Variants in PCDHA4 observed in about 807,000 individuals in gnomAD.
PCDHA4 encodes the protein protocadherin alpha 4, also known as protocadherin alpha-4.
In PCDHA4, 49 loss-of-function variants were observed where a neutral mutation model predicts 61.4. The observed-to-expected ratio is 0.80, with a 90% CI of 0.63 to 1.01. The LOEUF is 1.01. PCDHA4 is among the 50% of genes least tolerant of loss of function. The probability of loss-of-function intolerance (pLI) is 0.00; values close to 1 mark genes in which losing one functional copy is unlikely to be tolerated. For missense variants in PCDHA4, 1,254 were observed against 1,235.8 expected, an observed-to-expected ratio of 1.01 and a Z score of -0.22; for synonymous variants, 590 against 550.3, an observed-to-expected ratio of 1.07 and a Z score of -1.01.
intron 1 of PCDHA4, among the ~76,000 whole-genome samples, chr5:140,960,972 T>C (rs936519951): frequency 6.6e-6 from 1 of 152,188 alleles, no homozygotes; most frequent in South Asian, 2.1e-4. Flanking sequence ...GCAGTTGCAA[T>C]TCTTGTTCCA....
intron 1 of PCDHA4, among the ~76,000 whole-genome samples, chr5:140,901,220 TC>T (rs1383510008): frequency 6.6e-6 from 1 of 152,200 alleles, no homozygotes; most frequent in Non-Finnish European, 1.5e-5. Context: ...GTTGATGTGA[TC>T]CCATATATCC....
chr5:141,007,107 A>G (rs1162403610), intron 3 of PCDHA4, among the ~76,000 whole-genome samples: 1 of 152,190 alleles, frequency 6.6e-6, no homozygotes, highest in Non-Finnish European at 1.5e-5. Context: ...GCCAAACCCA[A>G]GGAAGCTTCA....
chr5:140,870,853 G>C (rs1554164757), intron 1 of PCDHA4: 2 of 1,613,888 alleles, frequency 1.2e-6, no homozygotes, highest in South Asian at 2.2e-5. Context: ...ACCGCGGTCG[G>C]TGGGTGCGGG....
chr5:140,883,552 G>A, intron 1 of PCDHA4: 2 of 1,614,234 alleles, frequency 1.2e-6, no homozygotes, highest in South Asian at 1.1e-5. Flanking sequence ...TGACCGCGCG[G>A]GACGGGGGCT....
At chr5:140,838,694 G>A (rs765335937) in intron 1 of PCDHA4, among the ~76,000 whole-genome samples, 2 of 151,960 alleles carry the variant, frequency 1.3e-5, no homozygotes, top group African/African-American at 4.8e-5. Context: ...CCAACATTTC[G>A]GGAGGCCGAG....
rs1164377412 is a variant in PCDHA4 at position 140,857,264 on chromosome 5, T to C, written c.2385+47692T>C. The stretch of plus-strand genomic sequence containing the variant: ...GTCCACCTACAAGAATTACTACTCA[T>C]TGGTGCTGGACAGCGCTCTGGACCG... On this transcript the variant is annotated intron_variant, in intron 1 of 3. Transcript: ENST00000530339. 5.0e-6 allele frequency: 8 copies of C among 1,598,636 alleles called. 1 individual carries two copies. The highest frequency in any genetic ancestry group is 2.2e-5 in the East Asian group (1 of 44,850).
intron 1 of PCDHA4, chr5:140,856,941 C>G: frequency 6.3e-7 from 1 of 1,592,588 alleles, no homozygotes; most frequent in Non-Finnish European, 8.6e-7. Context: ...AACGAAAGGA[C>G]GGGAGAAATA....
At chr5:140,870,627 G>A (rs782093554) in intron 1 of PCDHA4, 17 of 1,612,908 alleles carry the variant, frequency 1.1e-5, no homozygotes, top group Middle Eastern at 1.7e-4. Flanking sequence ...GCTACGTGTC[G>A]GTGCACGCGG....
At chr5:140,916,072 AC>A (rs1445012621) in intron 1 of PCDHA4, among the ~76,000 whole-genome samples, 4 of 152,054 alleles carry the variant, frequency 2.6e-5, no homozygotes, top group Non-Finnish European at 5.9e-5. Flanking sequence ...TGTGGCCAGT[AC>A]TACCACTGGT....
chr5:140,835,513 G>T (rs1773701294), intron 1 of PCDHA4: 1 of 1,613,936 alleles, frequency 6.2e-7, no homozygotes, highest in Non-Finnish European at 8.5e-7. Flanking sequence ...GTGTTTGACC[G>T]AGATTTTGGA....
At chr5:140,883,410 C>T in intron 1 of PCDHA4, 2 of 1,614,180 alleles carry the variant, frequency 1.2e-6, no homozygotes, top group Non-Finnish European at 1.7e-6. Flanking sequence ...GACTCTGGCT[C>T]AAATGGACAG....
At chr5:140,822,017 G>T (rs2150112982) in intron 1 of PCDHA4, 2 of 1,614,172 alleles carry the variant, frequency 1.2e-6, no homozygotes, top group South Asian at 1.1e-5. Context: ...CTGCAGAATG[G>T]CATTTTGTTT....
rs1444138021 is a variant in PCDHA4 at position 140,855,293 on chromosome 5, C to T, written c.2385+45721C>T. ...CTCAACCACCGTATTACTATTAGGC[C>T]AAAGTTATAAAATTGGAACATGAGG... On this transcript the variant is annotated intron_variant, in intron 1 of 3. Transcript: ENST00000530339. 2.7e-5 allele frequency among the ~76,000 whole-genome samples: 4 copies of T among 149,558 alleles called. 1 individual carries two copies. The highest frequency in any genetic ancestry group is 4.3e-4 in the South Asian group (2 of 4,702).
intron 1 of PCDHA4, among the ~76,000 whole-genome samples, chr5:140,953,275 C>G (rs1290645865): frequency 6.6e-6 from 1 of 152,074 alleles, no homozygotes; most frequent in African/African-American, 2.4e-5. Context: ...AGCCTTTGCT[C>G]TTTATATGTG....
At chr5:140,863,243 C>G (rs868910592) in intron 1 of PCDHA4, 1 of 1,351,802 alleles carries the variant, frequency 7.4e-7, no homozygotes, top group Non-Finnish European at 1.0e-6. Context: ...CGGGCTTTGG[C>G]GGGCGTCGAG....
chr5:140,981,456 C>G (rs2096933076), intron 2 of PCDHA4, among the ~76,000 whole-genome samples: 1 of 152,054 alleles, frequency 6.6e-6, no homozygotes, highest in African/African-American at 2.4e-5. Flanking sequence ...TGCCTGTAGT[C>G]CCAGCTACTT....
intron 1 of PCDHA4, chr5:140,968,057 C>T (rs781959040): frequency 1.5e-5 from 24 of 1,613,992 alleles, no homozygotes; most frequent in East Asian, 6.7e-5. Context: ...GGACCGAGAG[C>T]GGGTGGCTGT....
At chr5:140,969,178 C>G (rs2096303822) in intron 1 of PCDHA4, 1 of 1,613,978 alleles carries the variant, frequency 6.2e-7, no homozygotes, top group South Asian at 1.1e-5. Flanking sequence ...CAGGGAGTGA[C>G]ACTTTCATGT....
rs2150104534 is a variant in PCDHA4, at chr5:140,819,537, T to A, written c.2385+9965T>A. Among the ~76,000 whole-genome samples, 9 of 152,268 alleles carry A rather than the reference T, an allele frequency of 5.9e-5. No individual in the cohort carries two copies. In the East Asian group the frequency reaches 1.5e-3, roughly 26 times the overall value. ...TTAACTGGATCAGTCAAGAAAATAA[T>A]CTGTAACATTTGATTGAAGAAAATA... On this transcript the variant is annotated intron_variant, in intron 1 of 3. Coordinates refer to ENST00000530339, the MANE Select transcript of PCDHA4 (RefSeq NM_018907.4).
Sources: gnomAD v4.1 joint callset for allele counts (sites outside exome capture counted in the v4.1 genomes callset) on GRCh38, gnomAD v4.1.1 for gene constraint, MANE v1.5 for transcripts, NCBI Gene and HGNC (gene_info 2026-07-23, HGNC 2026-07-21) for gene names.